MCHR2: variants seen among roughly 807,000 people sequenced by gnomAD.
MCHR2 encodes the protein melanin concentrating hormone receptor 2.
Under a neutral mutation model 24.8 loss-of-function variants are expected in MCHR2, and 15 were observed. The observed-to-expected ratio is 0.60, with a 90% CI of 0.40 to 0.93. The LOEUF (loss-of-function observed/expected upper bound fraction) is 0.93. MCHR2 is among the 40% of genes least tolerant of loss of function. MCHR2 has a pLI of 0.00. For synonymous variants in MCHR2, 151 were observed against 147.6 expected (o/e 1.02, Z -0.17); for missense variants, 386 against 408.7 (o/e 0.94, Z 0.48).
chr6:99,947,734 T>C (rs1466402878), intron 3 of MCHR2, 28 bp downstream of exon 3: 1 of 1,604,950 alleles, frequency 6.2e-7, no homozygotes, highest in Non-Finnish European at 8.5e-7. Context: ...CTGAATTATA[T>C]TAAGATATTT....
intron 5 of MCHR2, among the ~76,000 whole-genome samples, chr6:99,928,219 C>T (rs9495883): frequency 0.019 from 2,834 of 152,112 alleles, 97 homozygotes; most frequent in African/African-American, 0.065. Context: ...CTTTTTGATG[C>T]GCTGCTGAAT....
chr6:99,986,964 C>G (rs1775781200), intron 1 of MCHR2, among the ~76,000 whole-genome samples: 1 of 151,242 alleles, frequency 6.6e-6, no homozygotes, highest in African/African-American at 2.4e-5. Flanking sequence ...GCATATTTCC[C>G]CTTCCTTGCT....
At chr6:99,929,092 T>C (rs200687343) in intron 5 of MCHR2, among the ~76,000 whole-genome samples, 2,654 of 152,302 alleles carry the variant, frequency 0.017, 70 homozygotes, top group East Asian at 0.12. Flanking sequence ...CATTTCGTTA[T>C]ATACCCAGTA....
intron 1 of MCHR2, among the ~76,000 whole-genome samples, chr6:99,973,103 A>G: frequency 6.6e-6 from 1 of 151,732 alleles, no homozygotes; most frequent in Non-Finnish European, 1.5e-5. Flanking sequence ...GCTGAGTTCA[A>G]TTCCTGGGTA....
chr6:99,950,611 C>T (rs548771739), intron 2 of MCHR2, among the ~76,000 whole-genome samples: 2 of 151,970 alleles, frequency 1.3e-5, no homozygotes, highest in Admixed American at 1.3e-4. Flanking sequence ...AATACTAATA[C>T]TATTAAGTAA....
Position 99,943,073 on chromosome 6 carries a change from A to C in MCHR2, c.463T>G (p.Leu155Val). 3 of 1,613,302 alleles carry C rather than the reference A, an allele frequency of 1.9e-6. No individual in the cohort carries two copies. The South Asian group carries it at 3.3e-5, about 18-fold the overall frequency. Residue 155 changes from leucine to valine, a missense_variant, in exon 4 of 6, where the codon TTG becomes GTG. Physicochemically the swap from Leu to Val is conservative, Grantham distance 32. Coordinates refer to ENST00000281806, the MANE Select transcript of MCHR2 (RefSeq NM_001040179.2). Reference sequence around the variant, plus strand: ...ATAAAGGAAGCTGCCCAAAGGCCCAAATTGATCCGGATGGTCTTGTACCTT... The same window carrying C: ...ATAAAGGAAGCTGCCCAAAGGCCCACATTGATCCGGATGGTCTTGTACCTT... ...RTRYKTIRINLGLWAASFILA... is the reference protein window; with the variant it reads ...RTRYKTIRINVGLWAASFILA...
intron 5 of MCHR2, among the ~76,000 whole-genome samples, chr6:99,930,991 A>T (rs1396120764): frequency 6.6e-6 from 1 of 151,878 alleles, no homozygotes; most frequent in Non-Finnish European, 1.5e-5. Flanking sequence ...TTGGTCTTTG[A>T]TGATGGTGAT....
intron 1 of MCHR2, among the ~76,000 whole-genome samples, chr6:99,987,676 G>GGA (rs1481889477): frequency 3.3e-5 from 5 of 151,970 alleles, no homozygotes; most frequent in Admixed American, 3.3e-4. Flanking sequence ...TACACTGAAA[G>GGA]CAAAAGAGAT....
At chr6:99,976,151 T>TA (rs1180463525) in intron 1 of MCHR2, among the ~76,000 whole-genome samples, 1 of 152,182 alleles carries the variant, frequency 6.6e-6, no homozygotes, top group African/African-American at 2.4e-5. Flanking sequence ...ATCCCAAAGA[T>TA]AAAATCCAGG....
chr6:99,938,070 TTTTG>T (rs1204679029), intron 4 of MCHR2, among the ~76,000 whole-genome samples: 4 of 151,974 alleles, frequency 2.6e-5, no homozygotes, highest in South Asian at 4.1e-4. Flanking sequence ...TTGTTTCTGA[TTTTG>T]TTTATTTGGA....
chr6:99,926,160 G>T (rs1050263629), intron 5 of MCHR2, among the ~76,000 whole-genome samples: 6 of 152,136 alleles, frequency 3.9e-5, no homozygotes. Flanking sequence ...TAAAGGACAT[G>T]AACTCATCAT....
At chr6:99,934,555 C>G (rs768797115) in intron 4 of MCHR2, 38 bp from the exon 5 acceptor site, 3 of 1,507,078 alleles carry the variant, frequency 2.0e-6, no homozygotes, top group South Asian at 2.7e-5. Flanking sequence ...AGAGAAAGAA[C>G]AACACCATTA....
chr6:99,945,250 A>G (rs1279770199), intron 3 of MCHR2, among the ~76,000 whole-genome samples: 1 of 152,172 alleles, frequency 6.6e-6, no homozygotes, highest in Non-Finnish European at 1.5e-5. Context: ...AATCTCTGGC[A>G]TATGGTTCAT....
chr6:99,955,965 C>A lies in MCHR2; in HGVS notation c.182+1G>T. On this transcript the variant is annotated splice_donor_variant, in intron 2 of 5. Transcript: ENST00000281806. LOFTEE classifies it high-confidence loss of function. The stretch of plus-strand genomic sequence containing the variant: ...AAAAAAAAAAAGGAGCCATTCCTTA[C>A]CTTATTATAGTGAATACAATGAGGA... 5.1e-6 allele frequency: 8 copies of A among 1,556,916 alleles called. No individual in the cohort carries two copies. Among genetic ancestry groups the A allele is most frequent in the Non-Finnish European group, 6.9e-6 (8 of 1,156,284 alleles).
chr6:99,925,779 G>T (rs1774341535), intron 5 of MCHR2, among the ~76,000 whole-genome samples: 1 of 149,978 alleles, frequency 6.7e-6, no homozygotes, highest in South Asian at 2.1e-4. Flanking sequence ...AAAAGTTGTT[G>T]TAGTTATTAT....
In MCHR2 at chr6:99,974,185, T is replaced by C. The variant is rs570420352; in HGVS notation, c.-27-18011A>G. ...AGCTTGGTTCCATTCTCCCCATCACTTTCAGGTACACCAATCAGATGTAGA... is the reference window on the plus strand; with the variant it reads ...AGCTTGGTTCCATTCTCCCCATCACCTTCAGGTACACCAATCAGATGTAGA... On this transcript the variant is annotated intron_variant, in intron 1 of 5. Transcript: ENST00000281806. 2.4e-4 allele frequency among the ~76,000 whole-genome samples: 36 copies of C among 152,364 alleles called. 1 individual carries two copies. Among genetic ancestry groups the C allele is most frequent in the South Asian group, 1.0e-3 (5 of 4,830 alleles).
chr6:99,924,032 G>T (rs1457449493), intron 5 of MCHR2, among the ~76,000 whole-genome samples: 13 of 151,990 alleles, frequency 8.6e-5, no homozygotes, highest in Admixed American at 8.5e-4. Context: ...GAAGCCATTG[G>T]GTCCTGGGTT....
chr6:99,941,431 G>A (rs1349866203), intron 4 of MCHR2, among the ~76,000 whole-genome samples: 3 of 152,028 alleles, frequency 2.0e-5, no homozygotes, highest in African/African-American at 7.2e-5. Context: ...TTTTGGAACT[G>A]GAAGTGCAGT....
At chr6:99,991,681 C>A (rs1291476495) in intron 1 of MCHR2, among the ~76,000 whole-genome samples, 3 of 151,826 alleles carry the variant, frequency 2.0e-5, no homozygotes, top group Non-Finnish European at 4.4e-5. Context: ...GTGGTGGGCG[C>A]CTGTAGTCCC....
Sources: allele counts gnomAD v4.1 joint callset (sites outside exome capture counted in the v4.1 genomes callset), GRCh38; gene constraint gnomAD v4.1.1; transcripts MANE v1.5; gene names NCBI Gene and HGNC (gene_info 2026-07-23, HGNC 2026-07-21).